The following MTMR7 variants were observed in gnomAD, a reference collection of about 807,000 sequenced individuals.
MTMR7 encodes phosphatidylinositol-3-phosphate phosphatase MTMR7.
MTMR7 carries 76 observed loss-of-function variants against 81.2 expected under a neutral mutation model. The observed-to-expected ratio is 0.94, with a 90% CI of 0.78 to 1.13. The LOEUF is 1.13. Among genes scored for constraint, MTMR7 ranks in the 50% most tolerant of loss-of-function variants. The probability of loss-of-function intolerance (pLI) is 0.00; values close to 1 mark genes in which losing one functional copy is unlikely to be tolerated. For missense variants in MTMR7, 1,044 were observed against 820.0 expected (o/e 1.27, Z -3.34); for synonymous variants, 372 against 289.8 (o/e 1.28, Z -2.88).
chr8:17,372,689 T>C (rs1322735892), intron 2 of MTMR7, among the ~76,000 whole-genome samples: 8 of 152,180 alleles, frequency 5.3e-5, no homozygotes, highest in African/African-American at 1.4e-4. Flanking sequence ...GAAGCTCCTC[T>C]AGATTTTCTT....
intron 1 of MTMR7, among the ~76,000 whole-genome samples, chr8:17,375,896 A>T (rs1014839842): frequency 3.3e-5 from 5 of 152,226 alleles, no homozygotes; most frequent in African/African-American, 1.2e-4. Context: ...GTTGAATGAC[A>T]GCTCTGTTGA....
At chr8:17,323,413 G>A (rs1317738049) in intron 7 of MTMR7, among the ~76,000 whole-genome samples, 1 of 152,060 alleles carries the variant, frequency 6.6e-6, no homozygotes, top group South Asian at 2.1e-4. Flanking sequence ...AGGATGAACA[G>A]GAACCAAACT....
intron 8 of MTMR7, 69 bp downstream of exon 8, chr8:17,313,223 G>C: frequency 8.6e-7 from 1 of 1,164,976 alleles, no homozygotes; most frequent in Non-Finnish European, 1.3e-6. Context: ...CCATGGCAGA[G>C]GGATACCCAT....
At position 17,304,449 on chromosome 8, in the gene MTMR7, A is replaced by G; in HGVS notation, c.1423T>C (p.Phe475Leu). 2 of 1,614,104 alleles carry G rather than the reference A, an allele frequency of 1.2e-6. No homozygotes were observed. The highest frequency in any genetic ancestry group is 1.7e-5 in the Admixed American group (1 of 60,026). ...KNRADYLNPL[F>L]RADHSQTQGT... is the part of the protein sequence containing the mutation. ...TGAGTCTGGCTGTGATCAGCTCTAA[A>G]CAGAGGATTCAGGTAGTCGGCCCGA... The change falls in exon 12 of 14, where the codon TTT (phenylalanine) becomes CTT (leucine). Residue 475 changes from phenylalanine to leucine, a missense_variant. Phe to Leu is a conservative substitution (Grantham distance 22). Transcript: ENST00000180173.
At chr8:17,333,463 G>A (rs1433616100) in intron 6 of MTMR7, among the ~76,000 whole-genome samples, 1 of 152,262 alleles carries the variant, frequency 6.6e-6, no homozygotes, top group Non-Finnish European at 1.5e-5. Flanking sequence ...GTATCCTTAC[G>A]TGACATGAAC....
At chr8:17,383,271 G>T (rs7837826) in intron 1 of MTMR7, among the ~76,000 whole-genome samples, 15 of 152,044 alleles carry the variant, frequency 9.9e-5, no homozygotes, top group African/African-American at 3.6e-4. Flanking sequence ...AGGAGGCAGC[G>T]TAACTGTGGT....
At chr8:17,383,713 G>A (rs1416271155) in intron 1 of MTMR7, among the ~76,000 whole-genome samples, 5 of 152,044 alleles carry the variant, frequency 3.3e-5, no homozygotes, top group Non-Finnish European at 7.3e-5. Context: ...GACCAGCTTG[G>A]CTGGCCATGT....
chr8:17,370,970 T>C (rs1222889261), intron 3 of MTMR7, 67 bp downstream of exon 3: 4 of 1,513,120 alleles, frequency 2.6e-6, no homozygotes, highest in Non-Finnish European at 3.6e-6. Flanking sequence ...ACCATACAAA[T>C]TCTTGAATCT....
At chr8:17,328,798 T>A (rs1818832993) in intron 7 of MTMR7, among the ~76,000 whole-genome samples, 1 of 152,214 alleles carries the variant, frequency 6.6e-6, no homozygotes, top group Non-Finnish European at 1.5e-5. Flanking sequence ...AGGGAAACTA[T>A]CGTGAAAATC....
chr8:17,348,059 G>A (rs777640627), intron 5 of MTMR7, among the ~76,000 whole-genome samples: 2 of 152,066 alleles, frequency 1.3e-5, no homozygotes, highest in Non-Finnish European at 2.9e-5. Context: ...CTAGGACTGC[G>A]CACCCTGGTA....
intron 10 of MTMR7, among the ~76,000 whole-genome samples, chr8:17,308,754 C>T (rs73210206): frequency 0.096 from 14,605 of 152,134 alleles, 882 homozygotes; most frequent in African/African-American, 0.17. Flanking sequence ...AAAGGTCAGA[C>T]AGCCCAGACG....
At chr8:17,309,663 C>T (rs760456285) in intron 9 of MTMR7, among the ~76,000 whole-genome samples, 1 of 152,090 alleles carries the variant, frequency 6.6e-6, no homozygotes, top group African/African-American at 2.4e-5. Context: ...AAGGGGAAAC[C>T]GAAGGAAAGA....
At chr8:17,304,841 C>G (rs771116537) in intron 11 of MTMR7, among the ~76,000 whole-genome samples, 7 of 151,534 alleles carry the variant, frequency 4.6e-5, no homozygotes, top group Non-Finnish European at 7.4e-5. Context: ...ACACACTATT[C>G]TAAATGTTCC....
intron 8 of MTMR7, 80 bp downstream of exon 8, chr8:17,313,211 GC>G: frequency 1.0e-6 from 1 of 984,506 alleles, no homozygotes; most frequent in East Asian, 2.4e-5. Flanking sequence ...AGACAGGGAA[GC>G]CCATGGCAGA....
chr8:17,302,335 C>G, intron 12 of MTMR7, 55 bp from the exon 13 acceptor site: 1 of 1,559,330 alleles, frequency 6.4e-7, no homozygotes, highest in Non-Finnish European at 8.7e-7. Flanking sequence ...TGAAAATTCA[C>G]ATCCTCAAGT....
At chr8:17,349,138 G>GC in intron 4 of MTMR7, 57 bp from the exon 5 acceptor site, 1 of 1,576,180 alleles carries the variant, frequency 6.3e-7, no homozygotes, top group Non-Finnish European at 8.7e-7. Context: ...CCTGCGAACT[G>GC]CCCCCAGAAA....
chr8:17,381,945 T>C (rs1314287208), intron 1 of MTMR7, among the ~76,000 whole-genome samples: 5 of 152,214 alleles, frequency 3.3e-5, no homozygotes, highest in South Asian at 4.1e-4. Context: ...TCCCTGCATT[T>C]TGACTTCTAT....
At chr8:17,375,270 G>C (rs541745507) in intron 1 of MTMR7, among the ~76,000 whole-genome samples, 2 of 152,120 alleles carry the variant, frequency 1.3e-5, no homozygotes, top group African/African-American at 4.8e-5. Context: ...TTAGAGCCAA[G>C]CCAGCCCTCT....
chr8:17,303,696 T>A (rs1186554636), intron 12 of MTMR7, among the ~76,000 whole-genome samples: 1 of 150,876 alleles, frequency 6.6e-6, no homozygotes, highest in African/African-American at 2.4e-5. Context: ...CGCAACCTCC[T>A]CCTCCCTGGT....
Sources: gnomAD v4.1 joint callset for allele counts (sites outside exome capture counted in the v4.1 genomes callset) on GRCh38, gnomAD v4.1.1 for gene constraint, MANE v1.5 for transcripts, NCBI Gene and HGNC (gene_info 2026-07-23, HGNC 2026-07-21) for gene names.